The following TRPM2 variants were observed in gnomAD, a reference collection of about 807,000 sequenced individuals.
The protein encoded by TRPM2 is estrogen-responsive element-associated gene 1 protein.
TRPM2 carries 161 observed loss-of-function variants against 174.0 expected under a neutral mutation model. That is an observed-to-expected ratio of 0.93 (90% confidence interval 0.81 to 1.05). TRPM2 has a LOEUF of 1.05. Ranked by LOEUF, TRPM2 falls within the 50% of genes least tolerant of loss-of-function variation. The pLI, the probability that TRPM2 is intolerant of heterozygous loss-of-function variation, is 0.00. For synonymous variants in TRPM2, 954 were observed against 861.3 expected (o/e 1.11, Z -1.88); for missense variants, 2,057 against 2,038.0 (o/e 1.01, Z -0.18).
Position 44,379,114 on chromosome 21 carries a change from C to T in TRPM2, c.1132C>T (p.Leu378=), listed in dbSNP as rs756477403. Residue 378 remains leucine (L), a synonymous_variant, in exon 8 of 32, where the codon CTG becomes TTG. Transcript: ENST00000397928. ...GCCTGTCTCGGACATCACTATCTCC[C>T]TGATCCAGCAGAAACTGAGCGTGTT... ...NLPVSDITIS[L]IQQKLSVFFQ... is the part of the protein sequence containing the mutation. 1 of 1,613,624 alleles carries T rather than the reference C, an allele frequency of 6.2e-7. No individual in the cohort carries two copies. Among genetic ancestry groups the T allele is most frequent in the Non-Finnish European group, 8.5e-7 (1 of 1,180,036 alleles).
chr21:44,400,103 G>A (rs967703448), intron 14 of TRPM2, among the ~76,000 whole-genome samples, 156 bp from the exon 15 acceptor site: 3 of 152,204 alleles, frequency 2.0e-5, no homozygotes, highest in African/African-American at 7.2e-5. Context: ...GACACCCAAA[G>A]CCCCAGGGCA....
intron 22 of TRPM2, 97 bp downstream of exon 22, chr21:44,418,652 C>T: frequency 2.1e-6 from 3 of 1,457,888 alleles, no homozygotes; most frequent in South Asian, 1.2e-5. Flanking sequence ...TGGGGAGGCC[C>T]AGCAATGCCT....
intron 9 of TRPM2, among the ~76,000 whole-genome samples, chr21:44,387,953 C>T (rs1028586884): frequency 6.6e-6 from 1 of 152,180 alleles, no homozygotes; most frequent in Non-Finnish European, 1.5e-5. Context: ...GGATATGTAA[C>T]ATGGTGCAGC....
intron 27 of TRPM2, among the ~76,000 whole-genome samples, chr21:44,429,874 T>C (rs1490782613): frequency 1.3e-5 from 2 of 152,208 alleles, no homozygotes; most frequent in Admixed American, 1.3e-4. Flanking sequence ...TCTGACTTAA[T>C]GGAAATGCTA....
intron 31 of TRPM2, 73 bp downstream of exon 31, chr21:44,440,978 G>A: frequency 1.5e-6 from 2 of 1,319,354 alleles, no homozygotes; most frequent in South Asian, 1.2e-5. Context: ...CCGGGGAGGG[G>A]GTTGGCAGGG....
chr21:44,391,202 G>T lies in TRPM2; in HGVS notation c.1441-70G>T. 6.5e-7 allele frequency: 1 copy of T among 1,543,434 alleles called. No individual in the cohort carries two copies. The highest frequency in any genetic ancestry group is 8.8e-7 in the Non-Finnish European group (1 of 1,133,484). On this transcript the variant is annotated intron_variant, in intron 10 of 31. Coordinates refer to ENST00000397928, the MANE Select transcript of TRPM2 (RefSeq NM_003307.4). This position sits in a 1 kb window ranked among gnomAD's most constrained non-coding sequence, Gnocchi z 5.0. ...GGACAACAGCAGCCCCCATCTCCAGGGTCTTTGAGATCAGGATGACATGGG... is the reference window on the plus strand; with the variant it reads ...GGACAACAGCAGCCCCCATCTCCAGTGTCTTTGAGATCAGGATGACATGGG...
At chr21:44,382,002 T>C (rs1167112691) in intron 8 of TRPM2, among the ~76,000 whole-genome samples, 1 of 146,836 alleles carries the variant, frequency 6.8e-6, no homozygotes, top group African/African-American at 2.5e-5. Flanking sequence ...AGATGGATGA[T>C]AGATAGATAG....
chr21:44,394,317 CTTTTTT>C (rs35448660), intron 11 of TRPM2, among the ~76,000 whole-genome samples: 1 of 112,688 alleles, frequency 8.9e-6, no homozygotes, highest in Admixed American at 8.9e-5. Flanking sequence ...AAACACATTT[CTTTTTT>C]TTTTTTTTTT....
chr21:44,439,055 CT>C lies in TRPM2; in HGVS notation c.4168-11del. On this transcript the variant is annotated splice_polypyrimidine_tract_variant and intron_variant, in intron 29 of 31. Transcript: ENST00000397928. This position sits in a 1 kb window ranked among gnomAD's most constrained non-coding sequence, Gnocchi z 5.1. ...TGCCCTGTTGACCTGCCTCCGTCCT[CT>C]GTCTGTCCAGGGCTCCCGGGAGCCA... The C allele has an allele frequency of 6.2e-7, 1 of 1,610,730 alleles. No homozygotes were observed. Among genetic ancestry groups the C allele is most frequent in the Non-Finnish European group, 8.5e-7 (1 of 1,178,536 alleles).
intron 22 of TRPM2, among the ~76,000 whole-genome samples, chr21:44,421,436 G>A (rs1037695361): frequency 6.6e-5 from 10 of 152,146 alleles, no homozygotes; most frequent in African/African-American, 1.2e-4. Context: ...GAAGTTGGGC[G>A]CCTCCAGTTA....
chr21:44,425,032 G>T, intron 24 of TRPM2, 93 bp downstream of exon 24: 1 of 1,183,248 alleles, frequency 8.5e-7, no homozygotes, highest in Non-Finnish European at 1.2e-6. Context: ...GGGGGTGGGG[G>T]GCTCTGTCCA....
Position 44,391,141 on chromosome 21 carries a change from G to T in TRPM2, c.1440+116G>T. The T allele has an allele frequency of 6.4e-7, 1 of 1,560,408 alleles. No individual in the cohort carries two copies. Among genetic ancestry groups the T allele is most frequent in the South Asian group, 1.2e-5 (1 of 83,504 alleles). On this transcript the variant is annotated intron_variant, in intron 10 of 31. Coordinates refer to ENST00000397928, the MANE Select transcript of TRPM2 (RefSeq NM_003307.4). This position sits in a 1 kb window ranked among gnomAD's most constrained non-coding sequence, Gnocchi z 5.0. ...GGATCCCAGCCCTTCCCTTGAGGGT[G>T]GGTGACCTGGGCAGCTTTCATCCTC... is the stretch of plus-strand genomic sequence containing the variant.
intron 26 of TRPM2, 112 bp downstream of exon 26, chr21:44,426,848 G>T: frequency 6.9e-7 from 1 of 1,449,284 alleles, no homozygotes. Context: ...AGGTGAGCAG[G>T]AGGGGCCCGT....
chr21:44,418,242 G>T, intron 21 of TRPM2, 134 bp downstream of exon 21: 8 of 1,394,166 alleles, frequency 5.7e-6, no homozygotes, highest in Non-Finnish European at 7.7e-6. Context: ...CTGGCCTTCT[G>T]CTGGCCTTGA....
intron 9 of TRPM2, among the ~76,000 whole-genome samples, chr21:44,385,171 GA>G (rs1174521033): frequency 1.3e-5 from 2 of 152,130 alleles, no homozygotes; most frequent in Admixed American, 6.6e-5. Context: ...GAATGATGGG[GA>G]AAAAACATGA....
chr21:44,369,567 AGTTCTGACCGGGTGCTGCGG>A (rs2048467111), intron 5 of TRPM2, among the ~76,000 whole-genome samples: 1 of 47,398 alleles, frequency 2.1e-5, no homozygotes, highest in African/African-American at 8.8e-5. Flanking sequence ...GGTGTGGGTG[AGTTCTGACCGGGTGCTGCGG>A]GGAGCAGGTG....
intron 19 of TRPM2, among the ~76,000 whole-genome samples, chr21:44,408,194 G>C (rs369301203): frequency 2.6e-5 from 4 of 151,986 alleles, no homozygotes; most frequent in African/African-American, 9.7e-5. Context: ...TGATCCACCC[G>C]CCTCGGCCTC....
rs939421293 is a variant in TRPM2, at chr21:44,439,523, C to T, written c.4269+355C>T. 3.3e-5 allele frequency among the ~76,000 whole-genome samples: 5 copies of T among 152,256 alleles called. No homozygotes were observed. The highest frequency in any genetic ancestry group is 1.9e-4 in the East Asian group (1 of 5,176). Reference sequence around the variant, plus strand: ...TCCACCCTTGCCTCGAGCACAGCTGCGCCCAAGGGTGCTGGGAAGCCAGCC... The same window carrying T: ...TCCACCCTTGCCTCGAGCACAGCTGTGCCCAAGGGTGCTGGGAAGCCAGCC... On this transcript the variant is annotated intron_variant, in intron 30 of 31. Transcript: ENST00000397928. The surrounding 1 kb of genome is among the most constrained non-coding windows in gnomAD (Gnocchi z 5.1).
chr21:44,403,495 G>T (rs2049703215), intron 16 of TRPM2, among the ~76,000 whole-genome samples: 1 of 145,700 alleles, frequency 6.9e-6, no homozygotes, highest in Non-Finnish European at 1.5e-5. Flanking sequence ...TACACATACA[G>T]GTACATGCAC....
Sources: allele counts gnomAD v4.1 joint callset (sites outside exome capture counted in the v4.1 genomes callset), GRCh38; gene constraint gnomAD v4.1.1; non-coding constraint Gnocchi (gnomAD v3.1); transcripts MANE v1.5; gene names NCBI Gene and HGNC (gene_info 2026-07-23, HGNC 2026-07-21).